Variants in STAU1 observed in about 807,000 individuals in gnomAD.
STAU1 encodes the protein double-stranded RNA-binding protein Staufen homolog 1.
In STAU1, 13 loss-of-function variants were observed where a neutral mutation model predicts 62.9. The ratio of observed to expected loss-of-function variants is 0.21; its 90% CI spans 0.13 to 0.33. The LOEUF is 0.33. STAU1 is among the 10% of genes least tolerant of loss of function. The pLI is 1.00. For synonymous variants in STAU1, 269 were observed against 265.1 expected (o/e 1.01, Z -0.14); for missense variants, 571 against 712.1 (o/e 0.80, Z 2.25).
chr20:49,206,095 G>A, the STAU1 span, among the ~76,000 whole-genome samples: 2 of 148,406 alleles, frequency 1.3e-5, no homozygotes, highest in Non-Finnish European at 3.0e-5. Flanking sequence ...GCGATTCTCT[G>A]CCTCAGTCTC....
intron 6 of STAU1, among the ~76,000 whole-genome samples, chr20:49,125,233 A>AAAAAAAAAAAAG (rs1212431473): frequency 7.1e-6 from 1 of 141,444 alleles, no homozygotes; most frequent in Non-Finnish European, 1.6e-5. Context: ...AACGAAGGAT[A>AAAAAAAAAAAAG]AAAAAAATCA....
At chr20:49,218,328 C>CAGTG in the STAU1 span, among the ~76,000 whole-genome samples, 1 of 150,182 alleles carries the variant, frequency 6.7e-6, no homozygotes, top group Non-Finnish European at 1.5e-5. Context: ...GGGTTCACAC[C>CAGTG]ATTCTCCTGC....
chr20:49,125,751 A>G (rs985838076), intron 6 of STAU1, among the ~76,000 whole-genome samples: 13 of 151,800 alleles, frequency 8.6e-5, no homozygotes, highest in Non-Finnish European at 1.6e-4. Flanking sequence ...GGGAGGCTGA[A>G]GCAGGAGAAT....
chr20:49,167,914 A>C (rs1045852975), intron 2 of STAU1, among the ~76,000 whole-genome samples: 2 of 152,090 alleles, frequency 1.3e-5, no homozygotes, highest in African/African-American at 4.8e-5. Flanking sequence ...TCTGCTCCAG[A>C]ATCTACCCCC....
chr20:49,186,274 T>C (rs1600914582), intron 1 of STAU1, among the ~76,000 whole-genome samples: 1 of 150,136 alleles, frequency 6.7e-6, no homozygotes. Flanking sequence ...TGAACCAGGG[T>C]GGCAGAGGTT....
intron 3 of STAU1, among the ~76,000 whole-genome samples, chr20:49,161,649 C>G (rs2093449899): frequency 6.6e-6 from 1 of 152,178 alleles, no homozygotes; most frequent in African/African-American, 2.4e-5. Flanking sequence ...CAAGACACAA[C>G]TGGGATTTTT....
chr20:49,171,135 T>C (rs140113878), intron 2 of STAU1, among the ~76,000 whole-genome samples: 2 of 152,336 alleles, frequency 1.3e-5, no homozygotes, highest in African/African-American at 2.4e-5. Context: ...GTAAATCTAT[T>C]ATTCTGTTCT....
At chr20:49,154,178 TACATA>T (rs2093317750) in intron 3 of STAU1, 107 bp from the exon 4 acceptor site, 1 of 1,209,270 alleles carries the variant, frequency 8.3e-7, no homozygotes, top group Non-Finnish European at 1.1e-6. Flanking sequence ...CATGATACTT[TACATA>T]AAAGGACCTG....
intron 12 of STAU1, among the ~76,000 whole-genome samples, chr20:49,116,133 T>C (rs2092317914): frequency 1.3e-5 from 2 of 152,192 alleles, no homozygotes; most frequent in Admixed American, 1.3e-4. Flanking sequence ...ACTGTATAAA[T>C]GTTATATCCT....
chr20:49,155,524 T>C (rs2093343527), intron 3 of STAU1, among the ~76,000 whole-genome samples: 1 of 152,096 alleles, frequency 6.6e-6, no homozygotes, highest in African/African-American at 2.4e-5. Context: ...ACACTAGAAA[T>C]GGCAAAATCT....
chr20:49,197,315 G>A, the STAU1 span, among the ~76,000 whole-genome samples: 6 of 149,076 alleles, frequency 4.0e-5, no homozygotes, highest in African/African-American at 7.4e-5. Context: ...AAAGCAAGTC[G>A]CAGATTTGGA....
chr20:49,183,958 T>C (rs1056148233), intron 1 of STAU1, among the ~76,000 whole-genome samples: 1 of 152,006 alleles, frequency 6.6e-6, no homozygotes, highest in Middle Eastern at 3.4e-3. Context: ...AGAAGTACTT[T>C]TGCTCTTGTT....
At chr20:49,173,740 T>C (rs2093626055) in intron 2 of STAU1, among the ~76,000 whole-genome samples, 1 of 152,230 alleles carries the variant, frequency 6.6e-6, no homozygotes, top group South Asian at 2.1e-4. Context: ...ACTCCTTTTT[T>C]ATCTGAATGT....
At chr20:49,176,319 CTAA>C (rs1170158573) in intron 1 of STAU1, among the ~76,000 whole-genome samples, 6 of 152,154 alleles carry the variant, frequency 3.9e-5, no homozygotes, top group Non-Finnish European at 5.9e-5. Flanking sequence ...CACATTATCT[CTAA>C]TAAGTCCAAA....
chr20:49,122,613 A>T (rs1169615611), intron 8 of STAU1, among the ~76,000 whole-genome samples: 1 of 152,214 alleles, frequency 6.6e-6, no homozygotes, highest in Non-Finnish European at 1.5e-5. Flanking sequence ...GCAAGCCACA[A>T]GGTCTTAATA....
At chr20:49,186,088 C>T (rs2093783240) in intron 1 of STAU1, among the ~76,000 whole-genome samples, 1 of 152,128 alleles carries the variant, frequency 6.6e-6, no homozygotes, top group Non-Finnish European at 1.5e-5. Context: ...GCGTGAGCCA[C>T]CGCGCCTAAC....
chr20:49,182,392 C>T (rs560444026), intron 1 of STAU1, among the ~76,000 whole-genome samples: 44 of 152,352 alleles, frequency 2.9e-4, no homozygotes, highest in Non-Finnish European at 4.4e-4. Flanking sequence ...GTCAACAAGA[C>T]AGATATCCAA....
intron 6 of STAU1, among the ~76,000 whole-genome samples, chr20:49,130,299 G>A (rs2092723076): frequency 6.6e-6 from 1 of 152,176 alleles, no homozygotes; most frequent in South Asian, 2.1e-4. Flanking sequence ...GCCAGAGCCT[G>A]AGGACAGAGG....
the STAU1 span, among the ~76,000 whole-genome samples, chr20:49,198,089 C>G: frequency 6.6e-6 from 1 of 151,940 alleles, no homozygotes; most frequent in Non-Finnish European, 1.5e-5. Context: ...AGACATTTTG[C>G]CACAGAAGTT....
Sources: gnomAD v4.1 joint callset for allele counts (sites outside exome capture counted in the v4.1 genomes callset) on GRCh38, gnomAD v4.1.1 for gene constraint, MANE v1.5 for transcripts, NCBI Gene and HGNC (gene_info 2026-07-23, HGNC 2026-07-21) for gene names.